The following SARS2 variants were observed in gnomAD, a reference collection of about 807,000 sequenced individuals.
The protein encoded by SARS2 is serine--tRNA ligase, mitochondrial.
In SARS2, 52 loss-of-function variants were observed where a neutral mutation model predicts 66.8. The ratio of observed to expected loss-of-function variants is 0.78; its 90% CI spans 0.62 to 0.98. The LOEUF is 0.98. Among genes scored for constraint, SARS2 ranks in the 50% least tolerant of loss-of-function variants. The probability of loss-of-function intolerance (pLI) is 0.00; values close to 1 mark genes in which losing one functional copy is unlikely to be tolerated. For missense variants in SARS2, 673 were observed against 706.3 expected (o/e 0.95, Z 0.53); for synonymous variants, 306 against 281.4 (o/e 1.09, Z -0.87).
intron 2 of SARS2, among the ~76,000 whole-genome samples, chr19:38,922,902 G>A (rs1258982131): frequency 4.1e-5 from 6 of 145,432 alleles, no homozygotes; most frequent in African/African-American, 1.6e-4. Flanking sequence ...CCAGTCTCAG[G>A]TATTCTTTTT....
rs566374295 is a variant in SARS2 at position 38,930,554 on chromosome 19, C to G, written c.183G>C (p.Glu61Asp). The G allele has an allele frequency of 4.5e-5, 72 of 1,613,868 alleles. 1 individual carries two copies. The South Asian group carries it at 7.8e-4, about 17-fold the overall frequency. The change falls in exon 1 of 16, where the codon GAG becomes GAC. Residue 61 changes from glutamate to aspartate, a missense_variant. Glu to Asp is a conservative substitution (Grantham distance 45). Transcript: ENST00000221431. ...GYSALPQLDI[E>D]RFCACPEEAA... ...CCTCTTCTGGGCATGCGCAGAACCG[C>G]TCTATGTCCAGCTGAGGGAGTGCGC...
chr19:38,922,683 G>A (rs998463496), intron 2 of SARS2, among the ~76,000 whole-genome samples: 16 of 152,028 alleles, frequency 1.1e-4, no homozygotes, highest in African/African-American at 3.1e-4. Context: ...TCCTGGGGGC[G>A]GTTTCCCCCA....
chr19:38,917,947 GC>G lies in SARS2; in HGVS notation c.1023del (p.Leu342CysfsTer15). On this transcript the variant is annotated frameshift_variant, in exon 11 of 16. Transcript: ENST00000221431. LOFTEE classifies it high-confidence loss of function. Reference sequence around the variant, plus strand: ...TTGGTGAAGTGGTGTACTCGATACAGCCCCCGGGGTTCCTGTCCCGTGTTTG... The same window carrying G: ...TTGGTGAAGTGGTGTACTCGATACAGCCCCGGGGTTCCTGTCCCGTGTTTG... ...AETNTGQEPR[G>X]LYRVHHFTKV... is the part of the protein sequence containing the mutation. The G allele has an allele frequency of 1.2e-6, 2 of 1,609,914 alleles. No individual in the cohort carries two copies. Among genetic ancestry groups the G allele is most frequent in the East Asian group, 2.2e-5 (1 of 44,720 alleles).
At position 38,930,552 on chromosome 19, in the gene SARS2, CG is replaced by C; in HGVS notation, c.184del (p.Arg62GlyfsTer35). The C allele has an allele frequency of 6.2e-7, 1 of 1,613,826 alleles. No individual in the cohort carries two copies. Among genetic ancestry groups the C allele is most frequent in the Non-Finnish European group, 8.5e-7 (1 of 1,180,014 alleles). The part of the protein sequence containing the change: ...YSALPQLDIE[R>X]FCACPEEAAH... The stretch of plus-strand genomic sequence containing the variant: ...GGCCTCTTCTGGGCATGCGCAGAAC[CG>C]CTCTATGTCCAGCTGAGGGAGTGCG... On this transcript the variant is annotated frameshift_variant, in exon 1 of 16. Transcript: ENST00000221431. LOFTEE classifies it high-confidence loss of function.
chr19:38,916,372 A>T lies in SARS2; in HGVS notation c.1161-58T>A, dbSNP rs1974418870. 3.4e-6 allele frequency: 5 copies of T among 1,472,864 alleles called. No homozygotes were observed. The Admixed American group carries it at 8.7e-5, about 26-fold the overall frequency. The allele number at this position is 1,472,864 out of a possible 1,614,324, so 91.2% of individuals were successfully genotyped here. ...AGCGGGTGAGAGGAGGAGCAAGAGG[A>T]ACAAATGGAAACGATGGAAGAGAAG... On this transcript the variant is annotated intron_variant, in intron 12 of 15. Coordinates refer to ENST00000221431, the MANE Select transcript of SARS2 (RefSeq NM_017827.4).
At chr19:38,918,714 C>A (rs1319378630) in intron 8 of SARS2, 52 bp downstream of exon 8, 1 of 1,545,470 alleles carries the variant, frequency 6.5e-7, no homozygotes, top group Admixed American at 2.0e-5. Flanking sequence ...CGGGCACCCA[C>A]GGCAGGGCCT....
chr19:38,916,353 T>G (rs1600162418), intron 12 of SARS2, 39 bp from the exon 13 acceptor site: 3 of 1,562,810 alleles, frequency 1.9e-6, no homozygotes, highest in African/African-American at 1.4e-5. Flanking sequence ...GGTCAGCGGG[T>G]GAGAGGAGGA....
chr19:38,920,060 C>G (rs1485953678), intron 6 of SARS2, 26 bp downstream of exon 6: 1 of 1,549,580 alleles, frequency 6.5e-7, no homozygotes, highest in Non-Finnish European at 8.7e-7. Context: ...GGGAGAGGGG[C>G]GTGGGGAGCC....
intron 1 of SARS2, chr19:38,930,153 A>T: frequency 2.9e-6 from 1 of 340,336 alleles, no homozygotes; most frequent in Non-Finnish European, 5.5e-6. Context: ...TCTTAGGGAA[A>T]GGCTGGCATG....
At position 38,930,567 on chromosome 19, in the gene SARS2, T is replaced by C. The variant is rs1458874754; in HGVS notation, c.170A>G (p.Gln57Arg). Residue 57 changes from glutamine (Q) to arginine (R), a missense_variant, in exon 1 of 16, where the codon CAG (glutamine) becomes CGG (arginine). Physicochemically the swap from Gln to Arg is conservative, Grantham distance 43 (BLOSUM62 1). Coordinates refer to ENST00000221431, the MANE Select transcript of SARS2 (RefSeq NM_017827.4). ...YAREGYSALP[Q>R]LDIERFCACP... is the part of the protein sequence containing the mutation. ...TGCGCAGAACCGCTCTATGTCCAGC[T>C]GAGGGAGTGCGCTGTAGCCCTCGCG... The C allele has an allele frequency of 6.2e-7, 1 of 1,613,962 alleles. No homozygotes were observed. The highest frequency in any genetic ancestry group is 8.5e-7 in the Non-Finnish European group (1 of 1,180,014).
chr19:38,924,377 G>A (rs1051243401), intron 2 of SARS2, among the ~76,000 whole-genome samples: 7 of 152,306 alleles, frequency 4.6e-5, no homozygotes, highest in Middle Eastern at 3.4e-3. Context: ...ATCCCCATCT[G>A]TGAAGTGGGA....
chr19:38,924,299 G>A (rs772466165), intron 2 of SARS2, among the ~76,000 whole-genome samples: 1 of 152,116 alleles, frequency 6.6e-6, no homozygotes, highest in East Asian at 1.9e-4. Context: ...GAACAGCCTG[G>A]GTCTGAATGT....
intron 12 of SARS2, among the ~76,000 whole-genome samples, chr19:38,916,825 G>A (rs553157188): frequency 7.9e-5 from 12 of 152,106 alleles, no homozygotes; most frequent in African/African-American, 2.7e-4. Context: ...ACCATGCCCG[G>A]CTGATTTTTA....
In SARS2 at chr19:38,920,060, C is replaced by T. The variant is rs1485953678; in HGVS notation, c.653+26G>A. 18 of 1,549,582 alleles carry T rather than the reference C, an allele frequency of 1.2e-5. No homozygotes were observed. In the Admixed American group the frequency reaches 1.4e-4, roughly 12 times the overall value. ...GGGGTGCAGGCAGCTGGGAGAGGGG[C>T]GTGGGGAGCCAGGGGAGGGGCTCAC... is the stretch of plus-strand genomic sequence containing the variant. On this transcript the variant is annotated intron_variant, in intron 6 of 15. Transcript: ENST00000221431.
chr19:38,922,087 A>C (rs992359456), intron 3 of SARS2, 151 bp downstream of exon 3: 17 of 1,598,930 alleles, frequency 1.1e-5, no homozygotes, highest in Non-Finnish European at 1.4e-5. Context: ...ACCTGAAGCC[A>C]GTTTTAGTTT....
chr19:38,925,372 A>G (rs1223517037), intron 2 of SARS2, among the ~76,000 whole-genome samples: 1 of 152,206 alleles, frequency 6.6e-6, no homozygotes, highest in Non-Finnish European at 1.5e-5. Context: ...ACTCTGACGC[A>G]GTTCACCCTT....
chr19:38,916,470 C>CA (rs1169539829), intron 12 of SARS2, among the ~76,000 whole-genome samples, 156 bp from the exon 13 acceptor site: 7 of 151,528 alleles, frequency 4.6e-5, no homozygotes, highest in South Asian at 4.2e-4. Flanking sequence ...TCATCTACTC[C>CA]AAAAAAACAA....
chr19:38,926,837 G>A (rs955715517), intron 1 of SARS2, among the ~76,000 whole-genome samples: 1 of 151,282 alleles, frequency 6.6e-6, no homozygotes, highest in African/African-American at 2.4e-5. Context: ...ATGGCTGGGT[G>A]TGGCACTTTG....
intron 8 of SARS2, 30 bp downstream of exon 8, chr19:38,918,736 G>C (rs1404443124): frequency 6.4e-7 from 1 of 1,554,306 alleles, no homozygotes; most frequent in Non-Finnish European, 8.7e-7. Flanking sequence ...ACACCCAGGT[G>C]GGCGAGGGAA....
Sources: allele counts gnomAD v4.1 joint callset (sites outside exome capture counted in the v4.1 genomes callset), GRCh38; gene constraint gnomAD v4.1.1; transcripts MANE v1.5; gene names NCBI Gene and HGNC (gene_info 2026-07-23, HGNC 2026-07-21).